ENTPD3: variants seen among roughly 807,000 people sequenced by gnomAD.
ENTPD3 encodes the protein ectonucleoside triphosphate diphosphohydrolase 3, also known as CD39 antigen-like 3.
ENTPD3 carries 60 observed loss-of-function variants against 51.2 expected under a neutral mutation model. The ratio of observed to expected loss-of-function variants is 1.17; its 90% CI spans 0.95 to 1.45. The LOEUF is 1.45. Ranked by LOEUF, ENTPD3 falls within the 40% of genes most tolerant of loss-of-function variation. ENTPD3 has a pLI of 0.00. For synonymous variants in ENTPD3, 221 were observed against 238.4 expected (o/e 0.93, Z 0.67); for missense variants, 593 against 641.1 (o/e 0.93, Z 0.81).
chr3:40,403,532 C>T (rs774030217), intron 4 of ENTPD3, among the ~76,000 whole-genome samples: 1 of 152,248 alleles, frequency 6.6e-6, no homozygotes, highest in Middle Eastern at 3.4e-3. Flanking sequence ...CAAGGCAGCT[C>T]TCTGCAGCTC....
intron 3 of ENTPD3, among the ~76,000 whole-genome samples, chr3:40,396,077 T>G (rs1955191571): frequency 6.6e-6 from 1 of 152,182 alleles, no homozygotes; most frequent in African/African-American, 2.4e-5. Context: ...GAGGGGATTT[T>G]AAATCTCTTC....
At chr3:40,405,449 G>A (rs1955468064) in intron 4 of ENTPD3, among the ~76,000 whole-genome samples, 1 of 151,816 alleles carries the variant, frequency 6.6e-6, no homozygotes, top group Admixed American at 6.6e-5. Flanking sequence ...AAGTTGCAGT[G>A]AGTGGAAATC....
At chr3:40,405,276 G>A (rs752455151) in intron 4 of ENTPD3, among the ~76,000 whole-genome samples, 3 of 152,048 alleles carry the variant, frequency 2.0e-5, no homozygotes, top group Non-Finnish European at 4.4e-5. Context: ...GAGGTGAGGC[G>A]GGTGGATCAC....
intron 3 of ENTPD3, among the ~76,000 whole-genome samples, chr3:40,396,282 G>C (rs909174923): frequency 9.2e-5 from 14 of 152,202 alleles, no homozygotes; most frequent in African/African-American, 3.4e-4. Flanking sequence ...TTTTTCTCAG[G>C]ATATGGAGAG....
chr3:40,389,374 T>C (rs1373528200), intron 2 of ENTPD3, among the ~76,000 whole-genome samples: 2 of 152,222 alleles, frequency 1.3e-5, no homozygotes, highest in African/African-American at 4.8e-5. Flanking sequence ...AGGACCTCTT[T>C]ACATGCTCTG....
chr3:40,407,399 A>G (rs1955529014), intron 4 of ENTPD3, among the ~76,000 whole-genome samples: 1 of 152,122 alleles, frequency 6.6e-6, no homozygotes, highest in Non-Finnish European at 1.5e-5. Context: ...TATAATTTTC[A>G]TATGTCATGA....
At chr3:40,395,690 T>C (rs1326155970) in intron 3 of ENTPD3, among the ~76,000 whole-genome samples, 2 of 152,176 alleles carry the variant, frequency 1.3e-5, no homozygotes, top group Non-Finnish European at 2.9e-5. Flanking sequence ...CTTCCATCAG[T>C]CATTAGCTGA....
intron 3 of ENTPD3, among the ~76,000 whole-genome samples, chr3:40,394,048 C>T (rs1452622880): frequency 7.9e-4 from 51 of 64,416 alleles, no homozygotes; most frequent in African/African-American, 3.5e-3. Flanking sequence ...GACTCTGTCT[C>T]AAAAAAAAAA....
intron 7 of ENTPD3, among the ~76,000 whole-genome samples, chr3:40,419,819 C>A (rs551369207): frequency 2.7e-4 from 41 of 152,272 alleles, no homozygotes; most frequent in Non-Finnish European, 1.0e-4. Context: ...CAGTTTTACT[C>A]TAAGATCAGA....
At chr3:40,423,195 G>A (rs575500955) in intron 8 of ENTPD3, 73 bp downstream of exon 8, 2 of 1,569,486 alleles carry the variant, frequency 1.3e-6, no homozygotes, top group African/African-American at 2.7e-5. Flanking sequence ...TTTCTCCTCT[G>A]CTGACTTGTT....
chr3:40,396,050 T>TGCCTC (rs565631200), intron 3 of ENTPD3, among the ~76,000 whole-genome samples: 218 of 152,252 alleles, frequency 1.4e-3, no homozygotes, highest in African/African-American at 5.1e-3. Context: ...CCTCCACCAA[T>TGCCTC]CAGCAGGCAG....
rs1013360863 is a variant in ENTPD3, at chr3:40,412,058, C to A, written c.437+96C>A. ...ATGTAACTCTATTTCTGGGAACAAC[C>A]CTCGCCCCCCAAAAAGAAGCCCACA... On this transcript the variant is annotated intron_variant, in intron 5 of 10. Transcript: ENST00000301825. The A allele has an allele frequency of 5.8e-6, 7 of 1,211,588 alleles. No homozygotes were observed. In the Admixed American group the frequency reaches 1.2e-4, roughly 20 times the overall value. The allele number at this position is 1,211,588 out of a possible 1,614,324, so 75.1% of individuals were successfully genotyped here. A position where few individuals can be genotyped will look rare whatever the true frequency, so the allele number is the denominator to read the frequency against.
chr3:40,410,335 G>A (rs1422826008), intron 4 of ENTPD3, among the ~76,000 whole-genome samples: 5 of 151,778 alleles, frequency 3.3e-5, no homozygotes, highest in South Asian at 2.1e-4. Flanking sequence ...CAGCTACTTC[G>A]GAGGCTGAGG....
At chr3:40,417,130 C>T (rs1955765144) in intron 7 of ENTPD3, among the ~76,000 whole-genome samples, 1 of 152,106 alleles carries the variant, frequency 6.6e-6, no homozygotes, top group South Asian at 2.1e-4. Context: ...GGCCCCAGGA[C>T]ACATGCATGG....
At chr3:40,399,255 G>A (rs1955285433) in intron 3 of ENTPD3, among the ~76,000 whole-genome samples, 1 of 152,214 alleles carries the variant, frequency 6.6e-6, no homozygotes, top group East Asian at 1.9e-4. Context: ...GATACAACAA[G>A]GGCTAACGCA....
At chr3:40,426,107 C>CTTTTTT (rs35267876) in intron 10 of ENTPD3, among the ~76,000 whole-genome samples, 1,161 of 112,192 alleles carry the variant, frequency 0.01, 6 homozygotes, top group Non-Finnish European at 0.016. Flanking sequence ...TTTTTCTTTT[C>CTTTTTT]TTTTTTTTTT....
chr3:40,393,705 C>G (rs1955120024), intron 3 of ENTPD3, among the ~76,000 whole-genome samples: 1 of 151,902 alleles, frequency 6.6e-6, no homozygotes, highest in Admixed American at 6.6e-5. Flanking sequence ...GCAAATTACC[C>G]AGTTGTCCAA....
intron 3 of ENTPD3, among the ~76,000 whole-genome samples, chr3:40,397,479 G>A (rs1290589789): frequency 6.6e-6 from 1 of 151,910 alleles, no homozygotes; most frequent in Non-Finnish European, 1.5e-5. Context: ...GCCTCGGTTT[G>A]CCCATGTGTC....
chr3:40,421,173 G>A (rs1185685469), intron 7 of ENTPD3, among the ~76,000 whole-genome samples: 2 of 151,830 alleles, frequency 1.3e-5, no homozygotes, highest in African/African-American at 4.8e-5. Flanking sequence ...ACAGGTGCGT[G>A]CCACCACGCC....
Sources: allele counts gnomAD v4.1 joint callset (sites outside exome capture counted in the v4.1 genomes callset), GRCh38; gene constraint gnomAD v4.1.1; transcripts MANE v1.5; gene names NCBI Gene and HGNC (gene_info 2026-07-23, HGNC 2026-07-21).